Variants in TESC observed in about 807,000 individuals in gnomAD.
TESC encodes the protein tescalcin.
In TESC, 19 loss-of-function variants were observed where a neutral mutation model predicts 31.0. The observed-to-expected ratio is 0.61, with a 90% CI of 0.43 to 0.90. The LOEUF (loss-of-function observed/expected upper bound fraction) is 0.90. Ranked by LOEUF, TESC falls within the 40% of genes least tolerant of loss-of-function variation. The pLI is 0.00. For synonymous variants in TESC, 109 were observed against 114.8 expected, an observed-to-expected ratio of 0.95 and a Z score of 0.32; for missense variants, 248 against 303.8, an observed-to-expected ratio of 0.82 and a Z score of 1.36.
intron 1 of TESC, among the ~76,000 whole-genome samples, chr12:117,086,263 CT>C (rs1287078318): frequency 1.4e-5 from 2 of 147,830 alleles, no homozygotes; most frequent in Non-Finnish European, 3.0e-5. Flanking sequence ...GAATTATACA[CT>C]TTAATTTTTT....
intron 6 of TESC, among the ~76,000 whole-genome samples, chr12:117,043,995 C>A (rs750073474): frequency 7.2e-5 from 11 of 152,096 alleles, no homozygotes; most frequent in Non-Finnish European, 1.3e-4. Flanking sequence ...TCTGTCATCC[C>A]AGCACTTTGG....
intron 2 of TESC, among the ~76,000 whole-genome samples, chr12:117,069,608 T>C (rs1473003212): frequency 6.6e-6 from 1 of 152,012 alleles, no homozygotes. Flanking sequence ...GGCCTTGAAG[T>C]GGGGCTTTCA....
intron 1 of TESC, among the ~76,000 whole-genome samples, chr12:117,094,876 C>A (rs1593030277): frequency 6.6e-6 from 1 of 151,494 alleles, no homozygotes; most frequent in East Asian, 2.0e-4. Flanking sequence ...ATTAGCCGAG[C>A]ATGGTGGCGG....
At chr12:117,079,751 T>C (rs1239783185) in intron 1 of TESC, among the ~76,000 whole-genome samples, 1 of 152,066 alleles carries the variant, frequency 6.6e-6, no homozygotes, top group Non-Finnish European at 1.5e-5. Flanking sequence ...GGAGACACTG[T>C]CAATGGGCAC....
intron 1 of TESC, among the ~76,000 whole-genome samples, chr12:117,088,194 A>G (rs113386732): frequency 7.7e-4 from 118 of 152,294 alleles, no homozygotes; most frequent in African/African-American, 2.8e-3. Flanking sequence ...TTAGAGAAAA[A>G]TTTCTCCATT....
At chr12:117,043,449 GTTTTC>G (rs1292465578) in intron 6 of TESC, among the ~76,000 whole-genome samples, 1 of 127,494 alleles carries the variant, frequency 7.8e-6, no homozygotes, top group African/African-American at 3.3e-5. Context: ...GTATTGTTTT[GTTTTC>G]ATTTGTTTTG....
chr12:117,086,281 T>A (rs1955218631), intron 1 of TESC, among the ~76,000 whole-genome samples: 1 of 150,746 alleles, frequency 6.6e-6, no homozygotes, highest in Non-Finnish European at 1.5e-5. Context: ...TTTTTTTTTT[T>A]AATAGGGATG....
At chr12:117,083,498 T>C (rs969725296) in intron 1 of TESC, among the ~76,000 whole-genome samples, 2 of 152,126 alleles carry the variant, frequency 1.3e-5, no homozygotes, top group Admixed American at 6.5e-5. Context: ...CAAACGTCCA[T>C]CAACAAAGGA....
chr12:117,074,008 G>A (rs1453228940), intron 2 of TESC, among the ~76,000 whole-genome samples: 2 of 152,140 alleles, frequency 1.3e-5, no homozygotes, highest in African/African-American at 4.8e-5. Flanking sequence ...GGGACTGCTT[G>A]AGGCCAGGAG....
intron 2 of TESC, among the ~76,000 whole-genome samples, chr12:117,064,139 ACGCCTGGGCTCAAGTGATCCTCC>A (rs1954838405): frequency 6.6e-6 from 1 of 152,122 alleles, no homozygotes; most frequent in South Asian, 2.1e-4. Flanking sequence ...CTAGTCCTGA[ACGCCTGGGCTCAAGTGATCCTCC>A]CGCCTTGGCC....
At chr12:117,052,449 C>T (rs1199912333) in intron 3 of TESC, among the ~76,000 whole-genome samples, 2 of 152,184 alleles carry the variant, frequency 1.3e-5, no homozygotes, top group African/African-American at 4.8e-5. Flanking sequence ...CTGTAGCCCA[C>T]GAAGTTGTTC....
chr12:117,084,535 C>T (rs1249180688), intron 1 of TESC, among the ~76,000 whole-genome samples: 9 of 152,224 alleles, frequency 5.9e-5, no homozygotes, highest in African/African-American at 1.9e-4. Context: ...CCTGCCTGGC[C>T]CTGGCCTCCC....
At chr12:117,077,880 C>T (rs1379663921) in intron 1 of TESC, among the ~76,000 whole-genome samples, 3 of 151,898 alleles carry the variant, frequency 2.0e-5, no homozygotes, top group South Asian at 4.1e-4. Context: ...GTCGTGTTCT[C>T]GGAAACCTCA....
intron 1 of TESC, chr12:117,084,226 T>G (rs947287799): frequency 3.9e-5 from 6 of 152,158 alleles, no homozygotes; most frequent in Admixed American, 2.0e-4. Context: ...ATGTAAAAAC[T>G]GTTTAACCTT....
At chr12:117,055,119 G>A (rs1396002547) in intron 3 of TESC, among the ~76,000 whole-genome samples, 6 of 152,144 alleles carry the variant, frequency 3.9e-5, no homozygotes, top group African/African-American at 1.4e-4. Context: ...CAGCAACCCT[G>A]CTAGGCAAGT....
intron 1 of TESC, among the ~76,000 whole-genome samples, chr12:117,081,397 G>A (rs745598823): frequency 8.5e-5 from 13 of 152,064 alleles, no homozygotes; most frequent in Non-Finnish European, 1.6e-4. Context: ...ATGTGGCCAC[G>A]AGAAAATTTA....
At chr12:117,093,586 G>T (rs192402796) in intron 1 of TESC, among the ~76,000 whole-genome samples, 1 of 152,314 alleles carries the variant, frequency 6.6e-6, no homozygotes, top group Admixed American at 6.5e-5. Context: ...TATGATGCCT[G>T]TGGCCTTGGG....
intron 1 of TESC, among the ~76,000 whole-genome samples, chr12:117,085,699 G>A (rs1205126411): frequency 6.6e-6 from 1 of 152,176 alleles, no homozygotes; most frequent in Non-Finnish European, 1.5e-5. Context: ...GGTGAGCCAG[G>A]CTGGATGGAA....
intron 2 of TESC, among the ~76,000 whole-genome samples, chr12:117,072,804 G>T (rs1482806775): frequency 6.6e-6 from 1 of 152,160 alleles, no homozygotes. Context: ...AAGAGACAGG[G>T]TCTTGCTCTG....
Sources: allele counts gnomAD v4.1 joint callset (sites outside exome capture counted in the v4.1 genomes callset), GRCh38; gene constraint gnomAD v4.1.1; transcripts MANE v1.5; gene names NCBI Gene and HGNC (gene_info 2026-07-23, HGNC 2026-07-21).